Variants in SHROOM3 observed in about 807,000 individuals in gnomAD.
The protein encoded by SHROOM3 is protein Shroom3.
Under a neutral mutation model 138.6 loss-of-function variants are expected in SHROOM3, and 47 were observed. That is an observed-to-expected ratio of 0.34 (90% CI 0.27 to 0.43). The LOEUF is 0.43. Ranked by LOEUF, SHROOM3 falls within the 20% of genes least tolerant of loss-of-function variation. The probability of loss-of-function intolerance (pLI) is 1.00; values close to 1 mark genes in which losing one functional copy is unlikely to be tolerated. For missense variants in SHROOM3, 2,491 were observed against 2,596.5 expected (o/e 0.96, Z 0.88); for synonymous variants, 1,062 against 1,063.3 (o/e 1.00, Z 0.02).
At chr4:76,567,252 G>A (rs541390613) in intron 2 of SHROOM3, among the ~76,000 whole-genome samples, 11 of 152,254 alleles carry the variant, frequency 7.2e-5, no homozygotes, top group Admixed American at 3.3e-4. Flanking sequence ...GATTCTTTGG[G>A]TGCCAGGCGC....
At chr4:76,771,374 A>G (rs1459564648) in intron 10 of SHROOM3, among the ~76,000 whole-genome samples, 1 of 152,096 alleles carries the variant, frequency 6.6e-6, no homozygotes, top group East Asian at 1.9e-4. Flanking sequence ...TCAAAAAAAA[A>G]AAAAGATGTA....
At chr4:76,567,598 T>C (rs569786884) in intron 2 of SHROOM3, among the ~76,000 whole-genome samples, 1 of 152,220 alleles carries the variant, frequency 6.6e-6, no homozygotes, top group African/African-American at 2.4e-5. Context: ...TGCAGTGAGC[T>C]GAGATCGTGC....
intron 2 of SHROOM3, among the ~76,000 whole-genome samples, chr4:76,674,291 C>T (rs1254916823): frequency 6.6e-6 from 1 of 152,080 alleles, no homozygotes. Context: ...ATAAGAGATA[C>T]CTGTTTTCTA....
rs147942546 is a variant in SHROOM3 at position 76,770,655 on chromosome 4, G to A, written c.5379G>A (p.Lys1793=). 376 of 1,614,138 alleles carry A rather than the reference G, an allele frequency of 2.3e-4. No individual in the cohort carries two copies. In the African/African-American group the frequency reaches 4.6e-3, roughly 20 times the overall value. Residue 1793 remains lysine, a synonymous_variant, in exon 10 of 11, where the codon AAG becomes AAA. Coordinates refer to ENST00000296043, the MANE Select transcript of SHROOM3 (RefSeq NM_020859.4). ...AGCTCATTGGAAGTCTCACCCACAA[G>A]CTGGAGACCCTCCAGGAGGCGAAGG... ...KAELIGSLTH[K]LETLQEAKGS... is the part of the protein sequence containing the mutation.
intron 2 of SHROOM3, among the ~76,000 whole-genome samples, chr4:76,692,749 G>C (rs1344202167): frequency 6.6e-6 from 1 of 152,170 alleles, no homozygotes; most frequent in Non-Finnish European, 1.5e-5. Flanking sequence ...AAAGCAGCCA[G>C]ATACAAAATA....
At position 76,700,617 on chromosome 4, in the gene SHROOM3, G is replaced by A. The variant is rs568932891; in HGVS notation, c.324-9539G>A. On this transcript the variant is annotated intron_variant, in intron 2 of 10. Coordinates refer to ENST00000296043, the MANE Select transcript of SHROOM3 (RefSeq NM_020859.4). ...TTATAATTCCACAAAGGGAAGGATC[G>A]TGTCTGTTTTGCCACGAGTCCAGTG... Among the ~76,000 whole-genome samples the A allele has an allele frequency of 3.3e-5, 5 of 152,242 alleles. No individual in the cohort carries two copies. The South Asian group carries it at 6.2e-4, about 19-fold the overall frequency.
In SHROOM3 at chr4:76,646,225, A is replaced by AATAAATAAATATATATAT. The variant is rs61374645; in HGVS notation, c.324-63928_324-63927insAATAAATATATATATATA. On this transcript the variant is annotated intron_variant, in intron 2 of 10. Transcript: ENST00000296043. ...CCTAGAACTTAAAGTATAATAAATAAATATATATATATATATATATATAAA... is the reference window on the plus strand; with the variant it reads ...CCTAGAACTTAAAGTATAATAAATAAATAAATAAATATATATATATATATATATATATATATATATAAA... Among the ~76,000 whole-genome samples, 230 of 96,214 alleles carry AATAAATAAATATATATAT rather than the reference A, an allele frequency of 2.4e-3. 7 individuals are homozygous for AATAAATAAATATATATAT. Among genetic ancestry groups the AATAAATAAATATATATAT allele is most frequent in the Non-Finnish European group, 3.5e-3 (175 of 49,866 alleles). The allele number at this position is 96,214 out of a possible 152,430, so 63.1% of individuals were successfully genotyped here. A position where few individuals can be genotyped will look rare whatever the true frequency, so the allele number is the denominator to read the frequency against.
intron 1 of SHROOM3, among the ~76,000 whole-genome samples, chr4:76,555,244 G>T (rs375400239): frequency 5.3e-5 from 8 of 152,272 alleles, no homozygotes; most frequent in African/African-American, 1.9e-4. Context: ...TTTGGGGACT[G>T]CTCTTCTAAA....
At chr4:76,560,233 G>A (rs937870852) in intron 2 of SHROOM3, among the ~76,000 whole-genome samples, 11 of 152,172 alleles carry the variant, frequency 7.2e-5, no homozygotes, top group African/African-American at 2.7e-4. Context: ...ACTGACAAAG[G>A]AAAGGGTCTT....
chr4:76,589,483 AG>A (rs1344841087), intron 2 of SHROOM3, among the ~76,000 whole-genome samples: 2 of 150,948 alleles, frequency 1.3e-5, no homozygotes, highest in Admixed American at 1.3e-4. Flanking sequence ...AAAAAAAAAA[AG>A]AAAAAAGACT....
In SHROOM3 at chr4:76,654,580, A is replaced by G. The variant is rs75049938; in HGVS notation, c.324-55576A>G. On this transcript the variant is annotated intron_variant, in intron 2 of 10. Coordinates refer to ENST00000296043, the MANE Select transcript of SHROOM3 (RefSeq NM_020859.4). ...ATGGATTAAAGGAGCACAAGAGTGAAAGCAGGGAGACAATTTAGATTTGCC... is the reference window on the plus strand; with the variant it reads ...ATGGATTAAAGGAGCACAAGAGTGAGAGCAGGGAGACAATTTAGATTTGCC... Among the ~76,000 whole-genome samples the G allele has an allele frequency of 1.0e-3, 155 of 152,288 alleles. No individual in the cohort carries two copies. In the East Asian group the frequency reaches 0.025, roughly 24 times the overall value.
At chr4:76,635,915 T>C (rs754115269) in intron 2 of SHROOM3, among the ~76,000 whole-genome samples, 2 of 152,236 alleles carry the variant, frequency 1.3e-5, no homozygotes, top group South Asian at 2.1e-4. Context: ...ATACCCATTA[T>C]TGTCCTCTCT....
At position 76,698,932 on chromosome 4, in the gene SHROOM3, C is replaced by G. The variant is rs552962105; in HGVS notation, c.324-11224C>G. ...TGGATTTAAATATTTATATTCCTCC[C>G]CAAATGTTTTGGGCAATTTGTAGTT... is the stretch of plus-strand genomic sequence containing the variant. On this transcript the variant is annotated intron_variant, in intron 2 of 10. Transcript: ENST00000296043. Among the ~76,000 whole-genome samples, 4 of 152,288 alleles carry G rather than the reference C, an allele frequency of 2.6e-5. No individual in the cohort carries two copies. In the South Asian group the frequency reaches 8.3e-4, roughly 32 times the overall value.
At chr4:76,633,952 G>A (rs542410127) in intron 2 of SHROOM3, among the ~76,000 whole-genome samples, 37 of 152,260 alleles carry the variant, frequency 2.4e-4, no homozygotes, top group African/African-American at 8.7e-4. Flanking sequence ...TGACATAGAT[G>A]TTATAATGCA....
rs967929751 is a variant in SHROOM3 at position 76,489,760 on chromosome 4, G to A, written c.168+53540G>A. On this transcript the variant is annotated intron_variant, in intron 1 of 10. Transcript: ENST00000296043. ...GTCAATAGAAAAAGACAAAGGACCC[G>A]TTTATAAAATGGATATCAAGTAGCA... Among the ~76,000 whole-genome samples the A allele has an allele frequency of 5.3e-5, 8 of 152,126 alleles. No homozygotes were observed. The East Asian group carries it at 1.2e-3, about 22-fold the overall frequency.
chr4:76,523,000 A>G (rs879762059), intron 1 of SHROOM3, among the ~76,000 whole-genome samples: 11 of 152,110 alleles, frequency 7.2e-5, no homozygotes, highest in Non-Finnish European at 1.0e-4. Context: ...ATTCTCACAA[A>G]CCAGGTAGCT....
intron 1 of SHROOM3, among the ~76,000 whole-genome samples, chr4:76,480,498 G>A (rs1446431454): frequency 7.7e-6 from 1 of 129,386 alleles, no homozygotes; most frequent in African/African-American, 2.7e-5. Flanking sequence ...CAAGTTCTTA[G>A]AGACCTACGA....
intron 4 of SHROOM3, among the ~76,000 whole-genome samples, chr4:76,731,661 A>C (rs1262302957): frequency 6.6e-6 from 1 of 152,002 alleles, no homozygotes; most frequent in Non-Finnish European, 1.5e-5. Context: ...TGAACCTGTA[A>C]TCCCAGCTAC....
At chr4:76,537,223 C>T (rs539349322) in intron 1 of SHROOM3, among the ~76,000 whole-genome samples, 9 of 152,294 alleles carry the variant, frequency 5.9e-5, no homozygotes, top group African/African-American at 2.2e-4. Flanking sequence ...AAAGACCACA[C>T]AGTAGATGTG....
Sources: allele counts gnomAD v4.1 joint callset (sites outside exome capture counted in the v4.1 genomes callset), GRCh38; gene constraint gnomAD v4.1.1; transcripts MANE v1.5; gene names NCBI Gene and HGNC (gene_info 2026-07-23, HGNC 2026-07-21).